Variants in BIRC6 observed in about 807,000 individuals in gnomAD.
BIRC6 encodes the protein baculoviral IAP repeat containing 6.
BIRC6 carries 98 observed loss-of-function variants against 503.3 expected under a neutral mutation model. The ratio of observed to expected loss-of-function variants is 0.19; its 90% CI spans 0.17 to 0.23. BIRC6 has a LOEUF of 0.23. Among genes scored for constraint, BIRC6 ranks in the 10% least tolerant of loss-of-function variants. The probability of loss-of-function intolerance (pLI) is 1.00; values close to 1 mark genes in which losing one functional copy is unlikely to be tolerated. For synonymous variants in BIRC6, 2,240 were observed against 2,078.7 expected (o/e 1.08, Z -2.11); for missense variants, 5,360 against 5,806.0 (o/e 0.92, Z 2.50).
intron 3 of BIRC6, among the ~76,000 whole-genome samples, chr2:32,385,955 C>G (rs1188193435): frequency 1.3e-5 from 2 of 152,116 alleles, no homozygotes; most frequent in Admixed American, 1.3e-4. Flanking sequence ...ACCTCTGAAA[C>G]TTAACCATGG....
chr2:32,367,213 A>T (rs1191958045), intron 1 of BIRC6, among the ~76,000 whole-genome samples: 1 of 152,128 alleles, frequency 6.6e-6, no homozygotes, highest in African/African-American at 2.4e-5. Flanking sequence ...CTGTAATCCC[A>T]GCACTTTGGG....
At chr2:32,448,431 T>C (rs1405461166) in intron 21 of BIRC6, among the ~76,000 whole-genome samples, 1 of 150,444 alleles carries the variant, frequency 6.6e-6, no homozygotes, top group Non-Finnish European at 1.5e-5. Context: ...GGCGGATCAC[T>C]CGCGGTTAGG....
At chr2:32,616,037 A>G (rs1304635153) in intron 73 of BIRC6, among the ~76,000 whole-genome samples, 1 of 152,170 alleles carries the variant, frequency 6.6e-6, no homozygotes, top group East Asian at 1.9e-4. Context: ...AGCCACTCCC[A>G]ATTAACATGC....
At chr2:32,601,308 G>A (rs1229639745) in intron 70 of BIRC6, among the ~76,000 whole-genome samples, 4 of 152,230 alleles carry the variant, frequency 2.6e-5, no homozygotes, top group Admixed American at 6.5e-5. Flanking sequence ...TACGCCGGGC[G>A]TGGTGGCTCA....
chr2:32,555,981 A>T (rs1054499230), intron 65 of BIRC6, among the ~76,000 whole-genome samples: 1 of 151,850 alleles, frequency 6.6e-6, no homozygotes, highest in Admixed American at 6.6e-5. Context: ...ATATTTTAAT[A>T]GTATTTTAAT....
chr2:32,467,789 A>T, intron 27 of BIRC6, 50 bp downstream of exon 27: 1 of 1,502,068 alleles, frequency 6.7e-7, no homozygotes, highest in South Asian at 1.3e-5. Context: ...GTTTCTGACA[A>T]GTTATGAAAA....
chr2:32,498,774 T>G (rs2052799291), intron 45 of BIRC6, among the ~76,000 whole-genome samples: 1 of 152,106 alleles, frequency 6.6e-6, no homozygotes, highest in Non-Finnish European at 1.5e-5. Flanking sequence ...TCAGTAGAGA[T>G]GGGGTTTCGC....
intron 10 of BIRC6, among the ~76,000 whole-genome samples, chr2:32,417,480 A>T (rs1363638313): frequency 1.3e-5 from 2 of 152,054 alleles, no homozygotes; most frequent in African/African-American, 4.8e-5. Flanking sequence ...AGTTAGGGAG[A>T]TAAAGCAGTT....
chr2:32,442,625 A>G (rs2045546812), intron 19 of BIRC6, among the ~76,000 whole-genome samples, 170 bp downstream of exon 19: 3 of 152,188 alleles, frequency 2.0e-5, no homozygotes, highest in Non-Finnish European at 4.4e-5. Context: ...TTGGGTTCTT[A>G]GGGGAAAGTG....
intron 71 of BIRC6, among the ~76,000 whole-genome samples, chr2:32,603,891 CAT>C (rs914319130): frequency 6.6e-6 from 1 of 150,714 alleles, no homozygotes; most frequent in African/African-American, 2.4e-5. Context: ...ATATATATAT[CAT>C]ATATACTGTA....
At chr2:32,581,088 T>C (rs1023534377) in intron 66 of BIRC6, among the ~76,000 whole-genome samples, 10 of 152,214 alleles carry the variant, frequency 6.6e-5, no homozygotes, top group Non-Finnish European at 2.9e-5. Flanking sequence ...GGCAGAAAGC[T>C]ATGATCCGTC....
intron 10 of BIRC6, among the ~76,000 whole-genome samples, chr2:32,419,507 A>G (rs1323234521): frequency 2.0e-5 from 3 of 152,192 alleles, no homozygotes; most frequent in Admixed American, 6.5e-5. Flanking sequence ...TGAAAGATAA[A>G]TTGGTATTCT....
At chr2:32,535,137 A>C in intron 61 of BIRC6, among the ~76,000 whole-genome samples, 1 of 94,978 alleles carries the variant, frequency 1.1e-5, no homozygotes, top group Non-Finnish European at 2.0e-5. Flanking sequence ...AAGACCTCAT[A>C]CCCCCAAAAA....
intron 1 of BIRC6, among the ~76,000 whole-genome samples, chr2:32,362,338 CAG>C (rs539426306): frequency 1.4e-5 from 2 of 142,770 alleles, no homozygotes; most frequent in Non-Finnish European, 3.0e-5. Flanking sequence ...TTTTTTGAGA[CAG>C]AGTCTCGCTC....
chr2:32,561,613 T>A (rs74336086), intron 65 of BIRC6, among the ~76,000 whole-genome samples: 1 of 147,610 alleles, frequency 6.8e-6, no homozygotes, highest in Non-Finnish European at 1.5e-5. Flanking sequence ...TTTATTTTGA[T>A]TTTTTTTTAG....
At chr2:32,553,197 CAAAAAAAAAAAAAAAAAAAAAAAA>C (rs763552918) in intron 65 of BIRC6, among the ~76,000 whole-genome samples, 12 of 34,936 alleles carry the variant, frequency 3.4e-4, no homozygotes, top group Admixed American at 5.3e-4. Flanking sequence ...AACTCTGTCT[CAAAAAAAAAAAAAAAAAAAAAAAA>C]AAAAAAAAAA....
intron 60 of BIRC6, 141 bp from the exon 61 acceptor site, chr2:32,531,214 T>C (rs1004674200): frequency 1.3e-5 from 9 of 673,886 alleles, no homozygotes; most frequent in Non-Finnish European, 2.2e-5. Context: ...CTAGCCATAA[T>C]ACAGCTATAT....
chr2:32,436,346 A>G (rs2044694461), intron 15 of BIRC6, among the ~76,000 whole-genome samples, 162 bp downstream of exon 15: 1 of 152,216 alleles, frequency 6.6e-6, no homozygotes, highest in African/African-American at 2.4e-5. Flanking sequence ...TCATAAAGTA[A>G]CTAACTGTAT....
rs1365305207 is a variant in BIRC6 at position 32,543,265 on chromosome 2, A to T, written c.12316A>T (p.Thr4106Ser). Residue 4106 changes from threonine (T) to serine (S), a missense_variant, in exon 62 of 74, where the codon ACC (threonine) becomes TCC (serine). Transcript: ENST00000421745. The part of the protein sequence containing the change: ...QQVSAPVVTS[T>S]TQEKPKDSDQ... Reference sequence around the variant, plus strand: ...GGTGAGTGCTCCAGTTGTAACATCTACCACTCAGGAAAAGCCGAAGGATAG... The same window carrying T: ...GGTGAGTGCTCCAGTTGTAACATCTTCCACTCAGGAAAAGCCGAAGGATAG... The T allele has an allele frequency of 1.9e-6, 3 of 1,613,882 alleles. No individual in the cohort carries two copies. In the African/African-American group the frequency reaches 4.0e-5, roughly 22 times the overall value.
Sources: allele counts gnomAD v4.1 joint callset (sites outside exome capture counted in the v4.1 genomes callset), GRCh38; gene constraint gnomAD v4.1.1; transcripts MANE v1.5; gene names NCBI Gene and HGNC (gene_info 2026-07-23, HGNC 2026-07-21).